The following GMFB variants were observed in gnomAD, a reference collection of about 807,000 sequenced individuals.
GMFB encodes glia maturation factor beta.
GMFB carries 13 observed loss-of-function variants against 25.6 expected under a neutral mutation model. The observed-to-expected ratio is 0.51, with a 90% confidence interval of 0.33 to 0.81. The LOEUF is 0.81. Ranked by LOEUF, GMFB falls within the 30% of genes least tolerant of loss-of-function variation. The probability of loss-of-function intolerance (pLI) is 0.02; values close to 1 mark genes in which losing one functional copy is unlikely to be tolerated. For missense variants in GMFB, 146 were observed against 175.4 expected (o/e 0.83, Z 0.95); for synonymous variants, 57 against 56.9 (o/e 1.00, Z 0.00).
rs1238419657 is a variant in GMFB at position 54,481,984 on chromosome 14, A to G, written c.150+169T>C. The stretch of plus-strand genomic sequence containing the variant: ...ACTAATGCTTTTAAACAAGGTAGTT[A>G]AATTAGCAATATCACAAACTACACA... On this transcript the variant is annotated intron_variant, in intron 3 of 6. Transcript: ENST00000358056. 6.9e-6 allele frequency: 4 copies of G among 581,212 alleles called. No homozygotes were observed. The African/African-American group carries it at 7.6e-5, about 11-fold the overall frequency. 36.0% of individuals were successfully genotyped at this position (581,212 alleles called of 1,614,324 possible).
chr14:54,482,084 C>T, intron 3 of GMFB, 69 bp downstream of exon 3: 1 of 984,464 alleles, frequency 1.0e-6, no homozygotes, highest in Non-Finnish European at 1.6e-6. Flanking sequence ...GCATATGTAA[C>T]TAATATAGCA....
chr14:54,481,584 T>C (rs1182218901), intron 3 of GMFB, 126 bp from the exon 4 acceptor site: 1 of 648,002 alleles, frequency 1.5e-6, no homozygotes, highest in Non-Finnish European at 2.8e-6. Flanking sequence ...TAAAATTTTA[T>C]CTTACTAAAT....
Position 54,479,734 on chromosome 14 carries a change from A to G in GMFB, c.357+52T>C. The stretch of plus-strand genomic sequence containing the variant: ...TTTAGACTATTTTAGCTATTGCTTT[A>G]TAGTCTAAAGGAAAATATTGTCTCA... On this transcript the variant is annotated intron_variant, in intron 6 of 6. Coordinates refer to ENST00000358056, the MANE Select transcript of GMFB (RefSeq NM_004124.3). 3.8e-6 allele frequency: 4 copies of G among 1,062,556 alleles called. No individual in the cohort carries two copies. In the South Asian group the frequency reaches 5.1e-5, roughly 13 times the overall value. 65.8% of individuals were successfully genotyped at this position (1,062,556 alleles called of 1,614,324 possible).
In GMFB at chr14:54,477,105, C is replaced by T. The variant is rs2031650278; in HGVS notation, c.*983G>A. Reference sequence around the variant, plus strand: ...TACCCAAAATTATAACTCTCGACTGCCATATATTCACCAATGCAAGCAGAT... The same window carrying T: ...TACCCAAAATTATAACTCTCGACTGTCATATATTCACCAATGCAAGCAGAT... On this transcript the variant is annotated 3_prime_UTR_variant, in exon 7 of 7. Coordinates refer to ENST00000358056, the MANE Select transcript of GMFB (RefSeq NM_004124.3). 2.6e-5 allele frequency: 4 copies of T among 152,296 alleles called. No individual in the cohort carries two copies. Among genetic ancestry groups the T allele is most frequent in the African/African-American group, 9.6e-5 (4 of 41,486 alleles). 9.4% of individuals were successfully genotyped at this position (152,296 alleles called of 1,614,324 possible).
At chr14:54,488,026 T>C (rs1364045846) in intron 1 of GMFB, among the ~76,000 whole-genome samples, 2 of 152,148 alleles carry the variant, frequency 1.3e-5, no homozygotes, top group African/African-American at 2.4e-5. Flanking sequence ...CACTCTGGAA[T>C]GCAGCTAAAA....
In GMFB at chr14:54,475,047, A is replaced by G. The variant is rs1249137708; in HGVS notation, c.*3041T>C. 6.6e-6 allele frequency: 1 copy of G among 152,608 alleles called. No individual in the cohort carries two copies. The highest frequency in any genetic ancestry group is 1.5e-5 in the Non-Finnish European group (1 of 68,002). 9.5% of individuals were successfully genotyped at this position (152,608 alleles called of 1,614,324 possible). On this transcript the variant is annotated 3_prime_UTR_variant, in exon 7 of 7. Transcript: ENST00000358056. ...TTATCAGTCTATTGAACAAATAGGG[A>G]AAGCAACCATAGTAAGAATACTTGA...
chr14:54,483,579 T>C lies in GMFB; in HGVS notation c.100+92A>G, dbSNP rs917567905. 4.4e-5 allele frequency: 30 copies of C among 683,022 alleles called. 2 individuals are homozygous for C. The highest frequency in any genetic ancestry group is 2.7e-4 in the South Asian group (15 of 56,296). 42.3% of individuals were successfully genotyped at this position (683,022 alleles called of 1,614,324 possible). ...GGGAAATGAAACAGAGGAAGTAACA[T>C]TGCTTTCCAACGGTTCAGTTCATTC... On this transcript the variant is annotated intron_variant, in intron 2 of 6. Transcript: ENST00000358056.
At chr14:54,480,005 T>C in intron 5 of GMFB, 146 bp from the exon 6 acceptor site, 1 of 571,830 alleles carries the variant, frequency 1.7e-6, no homozygotes, top group Non-Finnish European at 3.1e-6. Flanking sequence ...TTTTGAGTCT[T>C]ACATTGCACA....
rs370982356 is a variant in GMFB at position 54,479,769 on chromosome 14, T to G, written c.357+17A>C. 6.8e-7 allele frequency: 1 copy of G among 1,462,372 alleles called. No individual in the cohort carries two copies. Among genetic ancestry groups the G allele is most frequent in the African/African-American group, 1.4e-5 (1 of 71,874 alleles). The allele number at this position is 1,462,372 out of a possible 1,614,324, so 90.6% of individuals were successfully genotyped here. A position where few individuals can be genotyped will look rare whatever the true frequency, so the allele number is the denominator to read the frequency against. ...GGAAAATATTGTCTCAACAAGTCAG[T>G]CAAATATAAATACCACCTTGGTTAG... On this transcript the variant is annotated intron_variant, in intron 6 of 6. Coordinates refer to ENST00000358056, the MANE Select transcript of GMFB (RefSeq NM_004124.3).
At position 54,475,589 on chromosome 14, in the gene GMFB, A is replaced by C. The variant is rs768078059; in HGVS notation, c.*2499T>G. Reference sequence around the variant, plus strand: ...TACCAGAACAAAGTGATCACTATTCAAAACTCAGACATTTTGGAATTTCAG... The same window carrying C: ...TACCAGAACAAAGTGATCACTATTCCAAACTCAGACATTTTGGAATTTCAG... On this transcript the variant is annotated 3_prime_UTR_variant, in exon 7 of 7. Coordinates refer to ENST00000358056, the MANE Select transcript of GMFB (RefSeq NM_004124.3). 14 of 152,580 alleles carry C rather than the reference A, an allele frequency of 9.2e-5. No individual in the cohort carries two copies. Among genetic ancestry groups the C allele is most frequent in the Non-Finnish European group, 1.5e-4 (10 of 67,970 alleles). 9.5% of individuals were successfully genotyped at this position (152,580 alleles called of 1,614,324 possible). A position where few individuals can be genotyped will look rare whatever the true frequency, so the allele number is the denominator to read the frequency against.
At position 54,476,842 on chromosome 14, in the gene GMFB, T is replaced by C. The variant is rs565482320; in HGVS notation, c.*1246A>G. On this transcript the variant is annotated 3_prime_UTR_variant, in exon 7 of 7. Transcript: ENST00000358056. Reference sequence around the variant, plus strand: ...CTCTAGACCTATTATCAAATTAATGTTCAATGGTTACTTATGTATTTGTTT... The same window carrying C: ...CTCTAGACCTATTATCAAATTAATGCTCAATGGTTACTTATGTATTTGTTT... The C allele has an allele frequency of 6.6e-6, 1 of 152,192 alleles. No individual in the cohort carries two copies. The highest frequency in any genetic ancestry group is 1.9e-4 in the East Asian group (1 of 5,194). The allele number at this position is 152,192 out of a possible 1,614,324, so 9.4% of individuals were successfully genotyped here.
At chr14:54,481,000 G>A in intron 4 of GMFB, 44 bp from the exon 5 acceptor site, 1 of 912,464 alleles carries the variant, frequency 1.1e-6, no homozygotes, top group Non-Finnish European at 1.7e-6. Flanking sequence ...CTCTCAGACA[G>A]GTATTTACCA....
At position 54,475,890 on chromosome 14, in the gene GMFB, G is replaced by T. The variant is rs1274956077; in HGVS notation, c.*2198C>A. ...GTAAAAACTGGAATTATGAAATCTG[G>T]AGTTATTATTTGGGAAATGGCAGAA... is the stretch of plus-strand genomic sequence containing the variant. On this transcript the variant is annotated 3_prime_UTR_variant, in exon 7 of 7. Coordinates refer to ENST00000358056, the MANE Select transcript of GMFB (RefSeq NM_004124.3). 6.6e-6 allele frequency: 1 copy of T among 152,044 alleles called. No individual in the cohort carries two copies. Among genetic ancestry groups the T allele is most frequent in the African/African-American group, 2.4e-5 (1 of 41,426 alleles). 9.4% of individuals were successfully genotyped at this position (152,044 alleles called of 1,614,324 possible).
intron 1 of GMFB, 121 bp downstream of exon 1, chr14:54,488,804 G>A (rs986737275): frequency 2.8e-6 from 2 of 707,242 alleles, no homozygotes; most frequent in Non-Finnish European, 4.4e-6. Context: ...GCTGCTGGGA[G>A]CGGAAGCGGC....
chr14:54,476,555 C>T lies in GMFB; in HGVS notation c.*1533G>A, dbSNP rs1262891798. ...CTCCAAGAACCAAAACAAACACCTA[C>T]TCTAGCACTTCCTCATCTCCAACTT... On this transcript the variant is annotated 3_prime_UTR_variant, in exon 7 of 7. Transcript: ENST00000358056. 1.3e-5 allele frequency: 2 copies of T among 152,014 alleles called. No individual in the cohort carries two copies. Among genetic ancestry groups the T allele is most frequent in the Non-Finnish European group, 2.9e-5 (2 of 67,898 alleles). The allele number at this position is 152,014 out of a possible 1,614,324, so 9.4% of individuals were successfully genotyped here.
chr14:54,484,044 G>A, intron 1 of GMFB: 2 of 520,660 alleles, frequency 3.8e-6, no homozygotes, highest in South Asian at 1.7e-5. Context: ...ACATAATAAT[G>A]TGCAATGTCA....
chr14:54,482,821 T>C (rs979014650), intron 2 of GMFB, among the ~76,000 whole-genome samples: 3 of 152,246 alleles, frequency 2.0e-5, no homozygotes, highest in African/African-American at 4.8e-5. Context: ...ACCAATTTGA[T>C]AGTAAATCTT....
chr14:54,485,969 G>A (rs988646496), intron 1 of GMFB, among the ~76,000 whole-genome samples: 7 of 152,046 alleles, frequency 4.6e-5, no homozygotes, highest in African/African-American at 7.2e-5. Context: ...ACCAGACCCC[G>A]GGCCGGGCAC....
intron 1 of GMFB, among the ~76,000 whole-genome samples, chr14:54,488,147 T>C (rs1566499004): frequency 6.6e-6 from 1 of 152,188 alleles, no homozygotes; most frequent in Admixed American, 6.5e-5. Flanking sequence ...AGAGCAGTGT[T>C]TTGTTGTTTC....
Sources: allele counts gnomAD v4.1 joint callset (sites outside exome capture counted in the v4.1 genomes callset), GRCh38; gene constraint gnomAD v4.1.1; transcripts MANE v1.5; gene names NCBI Gene and HGNC (gene_info 2026-07-23, HGNC 2026-07-21).